GLI3: variants seen among roughly 807,000 people sequenced by gnomAD.
GLI3 encodes the protein GLI family zinc finger 3.
A neutral mutation model predicts 100.8 loss-of-function variants in GLI3; 20 were observed. That is an observed-to-expected ratio of 0.20 (90% CI 0.14 to 0.29). The LOEUF (loss-of-function observed/expected upper bound fraction) is 0.29, where lower values mean the gene tolerates loss of function less well. Among genes scored for constraint, GLI3 ranks in the 10% least tolerant of loss-of-function variants. The pLI, the probability that GLI3 is intolerant of heterozygous loss-of-function variation, is 1.00. For missense variants in GLI3, 2,040 were observed against 2,128.5 expected, an observed-to-expected ratio of 0.96 and a Z score of 0.82; for synonymous variants, 938 against 860.5, an observed-to-expected ratio of 1.09 and a Z score of -1.58.
chr7:42,106,526 C>T (rs1234181522), intron 3 of GLI3, among the ~76,000 whole-genome samples: 1 of 152,212 alleles, frequency 6.6e-6, no homozygotes, highest in Non-Finnish European at 1.5e-5. Context: ...CTGGTGGGCT[C>T]TGTATTTGTT....
At chr7:42,145,717 G>C (rs1786687949) in intron 3 of GLI3, 2 of 394,394 alleles carry the variant, frequency 5.1e-6, no homozygotes, top group Admixed American at 4.4e-5. Flanking sequence ...TGATGATGAT[G>C]AGGAGGAGGA....
chr7:42,210,383 G>T (rs1788248109), intron 2 of GLI3, among the ~76,000 whole-genome samples: 1 of 128,080 alleles, frequency 7.8e-6, no homozygotes, highest in Admixed American at 9.7e-5. Flanking sequence ...AAGTTATGCT[G>T]GCGTTTACCT....
At chr7:42,052,012 C>T (rs992614272) in intron 4 of GLI3, among the ~76,000 whole-genome samples, 1 of 152,210 alleles carries the variant, frequency 6.6e-6, no homozygotes, top group African/African-American at 2.4e-5. Context: ...AGCCCCCAAC[C>T]CCAGGAAACC....
intron 3 of GLI3, among the ~76,000 whole-genome samples, chr7:42,140,698 A>G (rs1786547396): frequency 1.3e-5 from 2 of 152,212 alleles, no homozygotes; most frequent in African/African-American, 4.8e-5. Context: ...CCCTTTCCCT[A>G]AGAACTATGA....
At chr7:41,980,009 A>C (rs565852827) in intron 10 of GLI3, among the ~76,000 whole-genome samples, 1 of 152,338 alleles carries the variant, frequency 6.6e-6, no homozygotes, top group Admixed American at 6.5e-5. Flanking sequence ...TACAAAAGTA[A>C]AGTTTTCTAT....
chr7:42,096,423 G>A (rs146587485), intron 3 of GLI3, among the ~76,000 whole-genome samples: 1 of 152,308 alleles, frequency 6.6e-6, no homozygotes, highest in African/African-American at 2.4e-5. Context: ...ACCTGATCTG[G>A]TCCCACCCCT....
intron 2 of GLI3, among the ~76,000 whole-genome samples, chr7:42,149,355 G>A (rs967794560): frequency 4.6e-5 from 7 of 152,184 alleles, no homozygotes; most frequent in Non-Finnish European, 8.8e-5. Context: ...TAATACTTCA[G>A]TTCCCTTCGA....
At chr7:42,132,319 C>A (rs527477881) in intron 3 of GLI3, among the ~76,000 whole-genome samples, 1 of 151,974 alleles carries the variant, frequency 6.6e-6, no homozygotes, top group Non-Finnish European at 1.5e-5. Context: ...CCAGGATGGT[C>A]TCGATCTCCT....
intron 10 of GLI3, among the ~76,000 whole-genome samples, chr7:42,017,751 A>C (rs1788807697): frequency 6.6e-6 from 1 of 152,338 alleles, no homozygotes; most frequent in South Asian, 2.1e-4. Flanking sequence ...CCAGTTTAGC[A>C]ACAATTAATA....
rs372947256 is a variant in GLI3, at chr7:42,140,798, T to G, written c.367+7428A>C. Among the ~76,000 whole-genome samples the G allele has an allele frequency of 1.3e-3, 197 of 152,330 alleles. 9 individuals are homozygous for G. In the South Asian group the frequency reaches 0.039, roughly 30 times the overall value. ...TCAAGAGACATCAAAGGTAACATTC[T>G]TTAATTATACAAGAAAAAGGAGGAG... On this transcript the variant is annotated intron_variant, in intron 3 of 14. Transcript: ENST00000395925.
At chr7:42,261,113 A>G (rs1384273925) in intron 1 of GLI3, among the ~76,000 whole-genome samples, 1 of 152,108 alleles carries the variant, frequency 6.6e-6, no homozygotes, top group Non-Finnish European at 1.5e-5. Context: ...GGCTTCTGGG[A>G]GGCATCAGGA....
chr7:42,131,728 C>T (rs74813941), intron 3 of GLI3, among the ~76,000 whole-genome samples: 3,050 of 152,164 alleles, frequency 0.02, 109 homozygotes, highest in African/African-American at 0.069. Context: ...ACATCTTACT[C>T]GTTTTGCTAT....
At chr7:41,995,720 G>T (rs189460569) in intron 10 of GLI3, among the ~76,000 whole-genome samples, 1 of 152,230 alleles carries the variant, frequency 6.6e-6, no homozygotes, top group East Asian at 1.9e-4. Context: ...GAGAAGGGGT[G>T]CTGTGTACCC....
intron 7 of GLI3, among the ~76,000 whole-genome samples, chr7:42,034,852 A>T (rs776009911): frequency 8.6e-5 from 13 of 151,970 alleles, no homozygotes; most frequent in Non-Finnish European, 1.8e-4. Context: ...TCATTCGTTT[A>T]TTAATATGCT....
rs758722364 is a variant in GLI3 at position 41,972,339 on chromosome 7, T to C, written c.2101A>G (p.Met701Val). ...CAGAAGGAGAGTGAATGACATACCATTGGCTTCTCTGCCTTGACGGTTTTC... is the reference window on the plus strand; with the variant it reads ...CAGAAGGAGAGTGAATGACATACCACTGGCTTCTCTGCCTTGACGGTTTTC... ...QVKTVKAEKP[M>V]TSQPSPGGQS... Residue 701 changes from methionine (M) to valine (V), a missense_variant and splice_region_variant, in exon 13 of 15, where the codon ATG (methionine) becomes GTG (valine). By Grantham distance (21) the Met-to-Val change is conservative. Around this residue, in one of 5 missense-constraint regions of GLI3, gnomAD observed 327 missense variants for 338.7 expected, o/e 0.97. Transcript: ENST00000395925. The surrounding 1 kb of genome is among the most constrained non-coding windows in gnomAD (Gnocchi z 4.4). 7.4e-6 allele frequency: 12 copies of C among 1,613,820 alleles called. No homozygotes were observed. Among genetic ancestry groups the C allele is most frequent in the Admixed American group, 1.7e-5 (1 of 60,018 alleles).
intron 3 of GLI3, among the ~76,000 whole-genome samples, chr7:42,104,901 G>C (rs1785542269): frequency 1.3e-5 from 2 of 152,186 alleles, no homozygotes; most frequent in African/African-American, 4.8e-5. Context: ...CTGGCACCTT[G>C]ATCTGAGACT....
rs1788735513 is a variant in GLI3, at chr7:42,233,602, C to CT, written c.-43+3368_-43+3369insA. On this transcript the variant is annotated intron_variant, in intron 1 of 14. Coordinates refer to ENST00000395925, the MANE Select transcript of GLI3 (RefSeq NM_000168.6). ...AAAAAATCATCAAAGTGTGAAATTT[C>CT]ATTTAAAGTCTTCGCCAGTCTACAG... is the stretch of plus-strand genomic sequence containing the variant. Among the ~76,000 whole-genome samples, 3 of 152,326 alleles carry CT rather than the reference C, an allele frequency of 2.0e-5. No individual in the cohort carries two copies. The South Asian group carries it at 6.2e-4, about 32-fold the overall frequency.
intron 1 of GLI3, among the ~76,000 whole-genome samples, chr7:42,259,077 A>T (rs1789113814): frequency 6.6e-6 from 1 of 152,202 alleles, no homozygotes; most frequent in Non-Finnish European, 1.5e-5. Context: ...AACATTACAG[A>T]TTGTCCAAGC....
At chr7:41,978,853 G>T in intron 10 of GLI3, 105 bp from the exon 11 acceptor site, 1 of 965,880 alleles carries the variant, frequency 1.0e-6, no homozygotes. Flanking sequence ...AAATTCTAAA[G>T]ACCACAAGAA....
Sources: gnomAD v4.1 joint callset for allele counts (sites outside exome capture counted in the v4.1 genomes callset) on GRCh38, gnomAD v4.1.1 for gene constraint, gnomAD v4.1.1 regional missense constraint, Gnocchi (gnomAD v3.1) non-coding constraint, MANE v1.5 for transcripts, NCBI Gene and HGNC (gene_info 2026-07-23, HGNC 2026-07-21) for gene names.